NR3C1: variants seen among roughly 807,000 people sequenced by gnomAD.
NR3C1 encodes the protein glucocorticoid receptor.
NR3C1 carries 14 observed loss-of-function variants against 74.0 expected under a neutral mutation model. That is an observed-to-expected ratio of 0.19 (90% CI 0.12 to 0.30). The LOEUF (loss-of-function observed/expected upper bound fraction) is 0.30. Ranked by LOEUF, NR3C1 falls within the 10% of genes least tolerant of loss-of-function variation. The probability of loss-of-function intolerance (pLI) is 1.00; values close to 1 mark genes in which losing one functional copy is unlikely to be tolerated. For synonymous variants in NR3C1, 308 were observed against 332.5 expected (o/e 0.93, Z 0.80); for missense variants, 695 against 909.8 (o/e 0.76, Z 3.04).
chr5:143,291,716 T>G (rs922929630), intron 7 of NR3C1, among the ~76,000 whole-genome samples: 1 of 152,222 alleles, frequency 6.6e-6, no homozygotes, highest in Non-Finnish European at 1.5e-5. Flanking sequence ...CCTATCTATC[T>G]TCAAGCTCAC....
chr5:143,283,522 T>C (rs1025791381), intron 7 of NR3C1, among the ~76,000 whole-genome samples: 9 of 152,252 alleles, frequency 5.9e-5, no homozygotes, highest in African/African-American at 2.2e-4. Context: ...CAACAGTGTT[T>C]ATTCCAGCAA....
At chr5:143,415,602 T>A (rs543286568) in intron 1 of NR3C1, among the ~76,000 whole-genome samples, 4 of 152,340 alleles carry the variant, frequency 2.6e-5, no homozygotes, top group Admixed American at 2.0e-4. Context: ...CATCTTTTCA[T>A]CTTTTCAATA....
chr5:143,284,935 G>A (rs1259331700), intron 7 of NR3C1, among the ~76,000 whole-genome samples: 1 of 152,110 alleles, frequency 6.6e-6, no homozygotes, highest in African/African-American at 2.4e-5. Context: ...GAAGTTTGGG[G>A]AGGCTAAAGC....
intron 7 of NR3C1, among the ~76,000 whole-genome samples, chr5:143,283,962 C>G (rs1813709015): frequency 6.6e-6 from 1 of 152,214 alleles, no homozygotes; most frequent in South Asian, 2.1e-4. Flanking sequence ...TAACTGTGCA[C>G]TCTCCAGAGA....
intron 2 of NR3C1, among the ~76,000 whole-genome samples, chr5:143,381,114 T>C (rs528236299): frequency 2.3e-4 from 35 of 151,982 alleles, no homozygotes; most frequent in Non-Finnish European, 2.1e-4. Context: ...AAAATCAACA[T>C]ACAAAAATCT....
intron 1 of NR3C1, among the ~76,000 whole-genome samples, chr5:143,424,871 T>TGAGTG (rs1172059884): frequency 1.3e-5 from 2 of 152,210 alleles, no homozygotes; most frequent in Non-Finnish European, 2.9e-5. Context: ...GAAATTGTCC[T>TGAGTG]CCTTTAGAGA....
Position 143,403,541 on chromosome 5 carries a change from G to A in NR3C1, c.-344C>T, listed in dbSNP as rs1840763928. On this transcript the variant is annotated 5_prime_UTR_variant, in exon 1 of 9. Coordinates refer to ENST00000394464, the MANE Select transcript of NR3C1 (RefSeq NM_000176.3). ...CCACCCACAGAATCCGTCCCCGACG[G>A]GCAGGCGGTGACTCGGGCTCCCGTC... The A allele has an allele frequency of 3.0e-6, 3 of 985,650 alleles. No individual in the cohort carries two copies. In the South Asian group the frequency reaches 1.4e-4, roughly 46 times the overall value. 61.1% of individuals were successfully genotyped at this position (985,650 alleles called of 1,614,324 possible).
At chr5:143,379,045 C>T (rs1251430585) in intron 2 of NR3C1, among the ~76,000 whole-genome samples, 1 of 152,180 alleles carries the variant, frequency 6.6e-6, no homozygotes, top group Non-Finnish European at 1.5e-5. Context: ...TATCTCTTAA[C>T]TCTGAGCCTC....
rs1839954418 is a variant in NR3C1 at position 143,399,987 on chromosome 5, C to T, written c.853G>A (p.Glu285Lys). ...QVKTEKEDFI[E>K]LCTPGVIKQE... is the part of the protein sequence containing the mutation. The stretch of plus-strand genomic sequence containing the variant: ...TTAATTACCCCAGGGGTGCAGAGTT[C>T]GATGAAATCTTCTTTTTCTGTTTTC... Residue 285 changes from glutamate to lysine, a missense_variant, in exon 2 of 9, where the codon GAA becomes AAA. Physicochemically the swap from Glu to Lys is moderately conservative, Grantham distance 56. Around this residue, in one of 4 missense-constraint regions of NR3C1, gnomAD observed 497 missense variants for 489.5 expected, o/e 1.02. Transcript: ENST00000394464. The T allele has an allele frequency of 1.9e-6, 3 of 1,614,088 alleles. No individual in the cohort carries two copies. The highest frequency in any genetic ancestry group is 2.2e-5 in the East Asian group (1 of 44,874).
rs1396468120 is a variant in NR3C1 at position 143,398,468 on chromosome 5, G to C, written c.1184+1188C>G. 2.7e-5 allele frequency among the ~76,000 whole-genome samples: 4 copies of C among 147,684 alleles called. No homozygotes were observed. The East Asian group carries it at 6.0e-4, about 22-fold the overall frequency. On this transcript the variant is annotated intron_variant, in intron 2 of 8. Coordinates refer to ENST00000394464, the MANE Select transcript of NR3C1 (RefSeq NM_000176.3). ...AAAAGCTTCTTAAGTACAGAGGAAAGAAAAGAGACATCCTCCAGGTTAGGA... is the reference window on the plus strand; with the variant it reads ...AAAAGCTTCTTAAGTACAGAGGAAACAAAAGAGACATCCTCCAGGTTAGGA...
At chr5:143,426,400 A>G (rs1358242895) in intron 1 of NR3C1, among the ~76,000 whole-genome samples, 1 of 152,256 alleles carries the variant, frequency 6.6e-6, no homozygotes, top group Non-Finnish European at 1.5e-5. Flanking sequence ...GTCAATAGTC[A>G]TAACAAAAAT....
chr5:143,399,835 G>A lies in NR3C1; in HGVS notation c.1005C>T (p.Asp335=). 1.2e-6 allele frequency: 2 copies of A among 1,614,132 alleles called. No homozygotes were observed. The highest frequency in any genetic ancestry group is 1.7e-6 in the Non-Finnish European group (2 of 1,180,022). ...GTTGAGAAAGGGATGCTGTATTCAT[G>A]TCATAGTGGTACATCTGTCCTCCAG... is the stretch of plus-strand genomic sequence containing the variant. The part of the protein sequence containing the change: ...STSGGQMYHY[D]MNTASLSQQQ... Residue 335 remains aspartate, a synonymous_variant, in exon 2 of 9, where the codon GAC becomes GAT. Coordinates refer to ENST00000394464, the MANE Select transcript of NR3C1 (RefSeq NM_000176.3).
In NR3C1 at chr5:143,403,307, A is replaced by AAT. The variant is rs1324655376; in HGVS notation, c.-112_-111dup. The AAT allele has an allele frequency of 9.1e-6, 9 of 984,136 alleles. No individual in the cohort carries two copies. The African/African-American group carries it at 1.2e-4, about 13-fold the overall frequency. The allele number at this position is 984,136 out of a possible 1,614,324, so 61.0% of individuals were successfully genotyped here. On this transcript the variant is annotated 5_prime_UTR_variant, in exon 1 of 9. It introduces an in-frame stop codon into an upstream open reading frame of the 5' UTR. Transcript: ENST00000394464. The stretch of plus-strand genomic sequence containing the variant: ...GTGAACGCAGAAGGAGCAGGAGGGA[A>AAT]ATATATTTTTTTTTTCTAAAAAAAG...
chr5:143,316,745 A>G (rs922910391), intron 2 of NR3C1, among the ~76,000 whole-genome samples: 2 of 152,136 alleles, frequency 1.3e-5, no homozygotes, highest in African/African-American at 2.4e-5. Flanking sequence ...AATCTACTAC[A>G]AGTTCCTGCT....
intron 2 of NR3C1, among the ~76,000 whole-genome samples, chr5:143,367,172 G>A (rs1002429083): frequency 1.3e-5 from 2 of 152,074 alleles, no homozygotes; most frequent in Non-Finnish European, 2.9e-5. Context: ...AATCTCAATA[G>A]CTGCAGAAAA....
chr5:143,426,942 C>T (rs1045448309), intron 1 of NR3C1, among the ~76,000 whole-genome samples: 1 of 152,152 alleles, frequency 6.6e-6, no homozygotes, highest in Admixed American at 6.6e-5. Context: ...TTGGGAGGAC[C>T]ACCCATGTGA....
At chr5:143,284,550 T>G (rs1398617524) in intron 7 of NR3C1, among the ~76,000 whole-genome samples, 3 of 152,180 alleles carry the variant, frequency 2.0e-5, no homozygotes, top group Admixed American at 6.5e-5. Context: ...TGCCGTATAG[T>G]TTTTTTCCCT....
chr5:143,330,503 G>A (rs1388385402), intron 2 of NR3C1, among the ~76,000 whole-genome samples: 1 of 152,066 alleles, frequency 6.6e-6, no homozygotes, highest in African/African-American at 2.4e-5. Context: ...CTTCATAAAA[G>A]TATTGCAAAA....
chr5:143,316,235 G>T (rs867769783), intron 2 of NR3C1, among the ~76,000 whole-genome samples: 2 of 152,154 alleles, frequency 1.3e-5, no homozygotes, highest in Non-Finnish European at 2.9e-5. Context: ...GCGACAATGT[G>T]TTGGGGAAGC....
Sources: gnomAD v4.1 joint callset for allele counts (sites outside exome capture counted in the v4.1 genomes callset) on GRCh38, gnomAD v4.1.1 for gene constraint, gnomAD v4.1.1 regional missense constraint, MANE v1.5 for transcripts, NCBI Gene and HGNC (gene_info 2026-07-23, HGNC 2026-07-21) for gene names.